CAMK4: variants seen among roughly 807,000 people sequenced by gnomAD.
CAMK4 encodes the protein calcium/calmodulin-dependent protein kinase type IV.
CAMK4 carries 22 observed loss-of-function variants against 44.9 expected under a neutral mutation model. The ratio of observed to expected loss-of-function variants is 0.49; its 90% confidence interval spans 0.35 to 0.70. The LOEUF (loss-of-function observed/expected upper bound fraction) is 0.70, where lower values mean the gene tolerates loss of function less well. Ranked by LOEUF, CAMK4 falls within the 30% of genes least tolerant of loss-of-function variation. The pLI, the probability that CAMK4 is intolerant of heterozygous loss-of-function variation, is 0.01. For missense variants in CAMK4, 498 were observed against 586.8 expected (o/e 0.85, Z 1.56); for synonymous variants, 218 against 215.4 (o/e 1.01, Z -0.11).
chr5:111,359,761 A>G (rs1216773751), intron 2 of CAMK4, among the ~76,000 whole-genome samples: 7 of 151,950 alleles, frequency 4.6e-5, no homozygotes, highest in African/African-American at 1.7e-4. Flanking sequence ...ATTTTTGTAT[A>G]TGGTGTAAGG....
chr5:111,446,527 A>G (rs1754033869), intron 5 of CAMK4, among the ~76,000 whole-genome samples, 159 bp from the exon 6 acceptor site: 1 of 152,254 alleles, frequency 6.6e-6, no homozygotes, highest in Non-Finnish European at 1.5e-5. Flanking sequence ...TATTTAATGT[A>G]TACAGTTTAA....
rs1391685960 is a variant in CAMK4 at position 111,493,981 on chromosome 5, C to A, written c.*9515C>A. Reference sequence around the variant, plus strand: ...GCAGACATTGAGAAAGGAAAACTTCCTACTTGGGCTTTTCAGGCTTATGTG... The same window carrying A: ...GCAGACATTGAGAAAGGAAAACTTCATACTTGGGCTTTTCAGGCTTATGTG... On this transcript the variant is annotated 3_prime_UTR_variant, in exon 11 of 11. Coordinates refer to ENST00000282356, the MANE Select transcript of CAMK4 (RefSeq NM_001744.6). This position sits in a 1 kb window ranked among gnomAD's most constrained non-coding sequence, Gnocchi z 4.1. 6.6e-6 allele frequency: 1 copy of A among 152,116 alleles called. No homozygotes were observed. The highest frequency in any genetic ancestry group is 1.5e-5 in the Non-Finnish European group (1 of 68,010). 9.4% of individuals were successfully genotyped at this position (152,116 alleles called of 1,614,324 possible). A position where few individuals can be genotyped will look rare whatever the true frequency, so the allele number is the denominator to read the frequency against.
chr5:111,350,255 T>C (rs984305460), intron 2 of CAMK4, among the ~76,000 whole-genome samples: 13 of 152,100 alleles, frequency 8.5e-5, no homozygotes, highest in African/African-American at 3.1e-4. Context: ...ACATTATTCT[T>C]ATTAATTGCA....
intron 1 of CAMK4, among the ~76,000 whole-genome samples, chr5:111,232,786 A>T (rs1320751791): frequency 1.3e-5 from 2 of 152,008 alleles, no homozygotes; most frequent in Admixed American, 1.3e-4. Flanking sequence ...TTTTTAAGGA[A>T]AAAACAATCC....
At chr5:111,232,386 G>T (rs1748518852) in intron 1 of CAMK4, among the ~76,000 whole-genome samples, 1 of 152,052 alleles carries the variant, frequency 6.6e-6, no homozygotes, top group Non-Finnish European at 1.5e-5. Context: ...CTGAAATTTG[G>T]CAGGATTTTA....
chr5:111,369,115 G>A lies in CAMK4; in HGVS notation c.241-5735G>A, dbSNP rs1004635256. Among the ~76,000 whole-genome samples, 8 of 151,304 alleles carry A rather than the reference G, an allele frequency of 5.3e-5. No individual in the cohort carries two copies. In the South Asian group the frequency reaches 1.0e-3, roughly 20 times the overall value. ...GGGTCTCATTCTGTTGCCCAGGCTG[G>A]AGTGCAGTGGCACAAGCTCAGCTCA... is the stretch of plus-strand genomic sequence containing the variant. On this transcript the variant is annotated intron_variant, in intron 2 of 10. Coordinates refer to ENST00000282356, the MANE Select transcript of CAMK4 (RefSeq NM_001744.6).
chr5:111,294,911 T>C (rs890199278), intron 1 of CAMK4, among the ~76,000 whole-genome samples: 17 of 152,244 alleles, frequency 1.1e-4, no homozygotes, highest in Admixed American at 9.8e-4. Flanking sequence ...GAAACTGTTA[T>C]GTTTTTCACT....
At chr5:111,299,397 G>T (rs1580549599) in intron 1 of CAMK4, among the ~76,000 whole-genome samples, 1 of 152,140 alleles carries the variant, frequency 6.6e-6, no homozygotes, top group Non-Finnish European at 1.5e-5. Context: ...GTGATTCCTC[G>T]AGTGTTTTCC....
intron 1 of CAMK4, among the ~76,000 whole-genome samples, chr5:111,327,939 A>T (rs1366959225): frequency 1.9e-5 from 2 of 107,286 alleles, no homozygotes; most frequent in Non-Finnish European, 3.8e-5. Flanking sequence ...GGTTGCAGAA[A>T]TTTTCTCCCA....
At chr5:111,409,110 C>A (rs1752540065) in intron 5 of CAMK4, among the ~76,000 whole-genome samples, 1 of 152,206 alleles carries the variant, frequency 6.6e-6, no homozygotes, top group African/African-American at 2.4e-5. Context: ...CTCACAGCTC[C>A]ACTAGGCAGT....
intron 2 of CAMK4, 106 bp from the exon 3 acceptor site, chr5:111,374,744 T>C (rs1230063967): frequency 2.8e-6 from 2 of 709,910 alleles, no homozygotes; most frequent in Admixed American, 4.4e-5. Flanking sequence ...GGAATTAGGC[T>C]CTGCGAATTG....
chr5:111,327,298 G>A (rs1347070616), intron 1 of CAMK4, among the ~76,000 whole-genome samples: 1 of 150,366 alleles, frequency 6.7e-6, no homozygotes, highest in African/African-American at 2.4e-5. Context: ...TGAGAATGAT[G>A]GTTTCCAGTT....
chr5:111,372,114 G>A (rs537837013), intron 2 of CAMK4, among the ~76,000 whole-genome samples: 1 of 152,298 alleles, frequency 6.6e-6, no homozygotes, highest in East Asian at 1.9e-4. Flanking sequence ...GATGGCAAGA[G>A]TTCTTATGAA....
intron 1 of CAMK4, among the ~76,000 whole-genome samples, chr5:111,301,907 T>C (rs1019815072): frequency 8.5e-5 from 13 of 152,166 alleles, no homozygotes; most frequent in African/African-American, 2.9e-4. Context: ...TAAATTTAGT[T>C]GGTTTTCATA....
At chr5:111,225,193 G>C (rs1748127069) in intron 1 of CAMK4, among the ~76,000 whole-genome samples, 2 of 152,224 alleles carry the variant, frequency 1.3e-5, no homozygotes, top group African/African-American at 2.4e-5. Context: ...GTTGAAGGCA[G>C]AATAATGAAC....
chr5:111,298,060 T>C (rs564579831), intron 1 of CAMK4, among the ~76,000 whole-genome samples: 10 of 152,346 alleles, frequency 6.6e-5, no homozygotes, highest in Non-Finnish European at 1.3e-4. Context: ...GTCCTCACCA[T>C]AGCACCTAAT....
Position 111,485,866 on chromosome 5 carries a change from C to G in CAMK4, c.*1400C>G, listed in dbSNP as rs1399657720. The G allele has an allele frequency of 6.6e-6, 1 of 152,068 alleles. No individual in the cohort carries two copies. Among genetic ancestry groups the G allele is most frequent in the Non-Finnish European group, 1.5e-5 (1 of 68,002 alleles). The allele number at this position is 152,068 out of a possible 1,614,324, so 9.4% of individuals were successfully genotyped here. On this transcript the variant is annotated 3_prime_UTR_variant, in exon 11 of 11. Coordinates refer to ENST00000282356, the MANE Select transcript of CAMK4 (RefSeq NM_001744.6). ...TCCCCTTATAGAAATTGCACTATCT[C>G]CAATTTATTTCTAGTTTGAGTTGAA...
chr5:111,315,761 C>T (rs1227889984), intron 1 of CAMK4, among the ~76,000 whole-genome samples: 1 of 152,036 alleles, frequency 6.6e-6, no homozygotes, highest in East Asian at 1.9e-4. Context: ...CAAATTCTGC[C>T]ATGTTTTTTT....
chr5:111,339,170 T>C (rs1040579670), intron 1 of CAMK4, among the ~76,000 whole-genome samples: 8 of 151,448 alleles, frequency 5.3e-5, no homozygotes, highest in African/African-American at 1.9e-4. Context: ...TCTCCCATTC[T>C]GTAGGTTGTC....
Sources: allele counts gnomAD v4.1 joint callset (sites outside exome capture counted in the v4.1 genomes callset), GRCh38; gene constraint gnomAD v4.1.1; non-coding constraint Gnocchi (gnomAD v3.1); transcripts MANE v1.5; gene names NCBI Gene and HGNC (gene_info 2026-07-23, HGNC 2026-07-21).